The following AVEN variants were observed in gnomAD, a reference collection of about 807,000 sequenced individuals.
The protein encoded by AVEN is apoptosis and caspase activation inhibitor, also known as cell death regulator Aven.
AVEN carries 41 observed loss-of-function variants against 38.1 expected under a neutral mutation model. The observed-to-expected ratio is 1.08, with a 90% CI of 0.84 to 1.40. The LOEUF is 1.40. Ranked by LOEUF, AVEN falls within the 40% of genes most tolerant of loss-of-function variation. AVEN has a pLI of 0.00. For missense variants in AVEN, 605 were observed against 438.8 expected, an observed-to-expected ratio of 1.38 and a Z score of -3.38; for synonymous variants, 206 against 171.8, an observed-to-expected ratio of 1.20 and a Z score of -1.56.
intron 2 of AVEN, among the ~76,000 whole-genome samples, chr15:33,965,207 G>GT (rs1337702648): frequency 6.6e-6 from 1 of 152,150 alleles, no homozygotes. Flanking sequence ...CATGACTCAC[G>GT]TAAGTCAACA....
intron 1 of AVEN, among the ~76,000 whole-genome samples, chr15:34,026,788 G>A (rs952419759): frequency 1.3e-5 from 2 of 152,024 alleles, no homozygotes; most frequent in Admixed American, 6.6e-5. Context: ...AAAGTAAGTC[G>A]CTCACATTAA....
intron 2 of AVEN, among the ~76,000 whole-genome samples, chr15:33,881,325 A>G (rs1017615993): frequency 6.6e-6 from 1 of 152,044 alleles, no homozygotes; most frequent in Non-Finnish European, 1.5e-5. Context: ...GCCTCAAACA[A>G]TCCACCACCT....
At chr15:33,985,047 A>T (rs1362843678) in intron 2 of AVEN, among the ~76,000 whole-genome samples, 1 of 152,190 alleles carries the variant, frequency 6.6e-6, no homozygotes, top group East Asian at 1.9e-4. Context: ...TCTGTATCCC[A>T]CAGCACTCTG....
At chr15:33,958,928 T>C (rs531916788) in intron 2 of AVEN, among the ~76,000 whole-genome samples, 2 of 152,294 alleles carry the variant, frequency 1.3e-5, no homozygotes, top group Admixed American at 6.5e-5. Context: ...CACTCCATAG[T>C]GGGGCACCAA....
At chr15:33,977,396 A>G (rs1895931085) in intron 2 of AVEN, among the ~76,000 whole-genome samples, 1 of 152,144 alleles carries the variant, frequency 6.6e-6, no homozygotes, top group Non-Finnish European at 1.5e-5. Flanking sequence ...ATCTCCTCCT[A>G]TACTCCCTTA....
downstream of AVEN, among the ~76,000 whole-genome samples, chr15:33,861,441 C>G (rs1437560857): frequency 6.6e-6 from 1 of 151,820 alleles, no homozygotes; most frequent in Non-Finnish European, 1.5e-5. Context: ...AGCAATTTCT[C>G]TTTCTCTACT....
upstream of AVEN, among the ~76,000 whole-genome samples, chr15:34,041,667 G>GT (rs752344845): frequency 6.6e-6 from 1 of 152,096 alleles, no homozygotes; most frequent in Non-Finnish European, 1.5e-5. Context: ...ATGATGCCAA[G>GT]TTTTTTTAAC....
intron 1 of AVEN, among the ~76,000 whole-genome samples, chr15:34,010,520 T>C (rs1897592028): frequency 6.6e-6 from 1 of 152,160 alleles, no homozygotes; most frequent in African/African-American, 2.4e-5. Context: ...TACTTTCTTC[T>C]GGAGCAAAAA....
At chr15:33,992,938 T>A (rs1023449374) in intron 2 of AVEN, among the ~76,000 whole-genome samples, 1 of 152,254 alleles carries the variant, frequency 6.6e-6, no homozygotes, top group South Asian at 2.1e-4. Flanking sequence ...ACAACAACTA[T>A]ACTGACCAAA....
At chr15:33,872,993 C>T (rs1184215529) in intron 3 of AVEN, among the ~76,000 whole-genome samples, 1 of 152,072 alleles carries the variant, frequency 6.6e-6, no homozygotes, top group African/African-American at 2.4e-5. Context: ...CGCCCGGTCC[C>T]TCTCCTGCCA....
At chr15:34,042,099 G>A (rs1026809067), upstream of AVEN, among the ~76,000 whole-genome samples, 10 of 152,090 alleles carry the variant, frequency 6.6e-5, no homozygotes, top group Non-Finnish European at 1.5e-4. Flanking sequence ...TGTGATTCTG[G>A]TCCAAAAATG....
chr15:33,895,256 A>G (rs1034948515), intron 2 of AVEN, among the ~76,000 whole-genome samples: 2 of 144,654 alleles, frequency 1.4e-5, no homozygotes, highest in Admixed American at 1.5e-4. Flanking sequence ...TTCTTCTGCA[A>G]TGGTTTATAT....
chr15:34,055,286 C>A (rs1169768411), intron 5 of AVEN, among the ~76,000 whole-genome samples: 1 of 150,286 alleles, frequency 6.7e-6, no homozygotes, highest in African/African-American at 2.5e-5. Flanking sequence ...TCTCTTGAGG[C>A]CAGGAGTTTG....
At chr15:33,860,730 A>G (rs1597107475) in intron 11 of AVEN, 1 of 1,201,858 alleles carries the variant, frequency 8.3e-7, no homozygotes, top group Non-Finnish European at 1.2e-6. Flanking sequence ...TTTTTAAACA[A>G]TAGGTTTTAC....
chr15:33,996,476 C>T (rs1165959296), intron 2 of AVEN, among the ~76,000 whole-genome samples: 1 of 152,216 alleles, frequency 6.6e-6, no homozygotes, highest in Non-Finnish European at 1.5e-5. Context: ...TGGGACGAAG[C>T]TTCCAGAGGA....
intron 5 of AVEN, among the ~76,000 whole-genome samples, chr15:34,047,373 G>T (rs565272719): frequency 6.6e-6 from 1 of 152,060 alleles, no homozygotes; most frequent in African/African-American, 2.4e-5. Flanking sequence ...CACCGTGCCC[G>T]GCGGAGACCT....
chr15:33,951,251 G>A (rs764165876), intron 2 of AVEN, among the ~76,000 whole-genome samples: 1 of 152,084 alleles, frequency 6.6e-6, no homozygotes, highest in Non-Finnish European at 1.5e-5. Flanking sequence ...AGTCTCTCAG[G>A]TACGCTTCCT....
At chr15:34,071,917 A>G (rs934170919) in intron 1 of AVEN, among the ~76,000 whole-genome samples, 1 of 152,156 alleles carries the variant, frequency 6.6e-6, no homozygotes, top group Non-Finnish European at 1.5e-5. Context: ...AGAAAACTAG[A>G]CTAGGTTATC....
At chr15:33,963,797 A>AG (rs2140477513) in intron 2 of AVEN, among the ~76,000 whole-genome samples, 1 of 6,558 alleles carries the variant, frequency 1.5e-4, no homozygotes, top group African/African-American at 1.6e-4. Flanking sequence ...ACTCTGTCTC[A>AG]AAAAAAAAAA....
Sources: allele counts gnomAD v4.1 joint callset (sites outside exome capture counted in the v4.1 genomes callset), GRCh38; gene constraint gnomAD v4.1.1; transcripts MANE v1.5; gene names NCBI Gene and HGNC (gene_info 2026-07-23, HGNC 2026-07-21).